LMBR1: variants seen among roughly 807,000 people sequenced by gnomAD.
LMBR1 encodes the protein limb development membrane protein 1, also known as limb region 1 protein homolog.
LMBR1 carries 52 observed loss-of-function variants against 73.9 expected under a neutral mutation model. The ratio of observed to expected loss-of-function variants is 0.70; its 90% CI spans 0.56 to 0.89. The LOEUF is 0.89. Among genes scored for constraint, LMBR1 ranks in the 40% least tolerant of loss-of-function variants. The probability of loss-of-function intolerance (pLI) is 0.00; values close to 1 mark genes in which losing one functional copy is unlikely to be tolerated. For synonymous variants in LMBR1, 215 were observed against 209.4 expected, an observed-to-expected ratio of 1.03 and a Z score of -0.23; for missense variants, 539 against 579.8, an observed-to-expected ratio of 0.93 and a Z score of 0.72.
intron 15 of LMBR1, among the ~76,000 whole-genome samples, chr7:156,715,476 TTTAA>T (rs1813016778): frequency 6.6e-6 from 1 of 152,256 alleles, no homozygotes; most frequent in African/African-American, 2.4e-5. Context: ...TTTTTTCTTT[TTTAA>T]TTGTGATAAA....
chr7:156,835,259 C>A (rs1197859331), intron 2 of LMBR1, among the ~76,000 whole-genome samples: 1 of 146,316 alleles, frequency 6.8e-6, no homozygotes, highest in Admixed American at 6.6e-5. Context: ...GCTTCAGTGT[C>A]AAGGGTGTAT....
intron 16 of LMBR1, among the ~76,000 whole-genome samples, chr7:156,686,491 ACT>A (rs1806040759): frequency 6.6e-6 from 1 of 152,102 alleles, no homozygotes; most frequent in Admixed American, 6.5e-5. Context: ...ACTTAATAAG[ACT>A]CTTTTTCTAT....
chr7:156,697,356 AT>A (rs1808520920), intron 15 of LMBR1, among the ~76,000 whole-genome samples: 1 of 152,202 alleles, frequency 6.6e-6, no homozygotes, highest in Non-Finnish European at 1.5e-5. Flanking sequence ...CTTGATAAAC[AT>A]CTTAAACAAC....
chr7:156,816,645 G>A (rs890876936), intron 4 of LMBR1, among the ~76,000 whole-genome samples: 3 of 151,956 alleles, frequency 2.0e-5, no homozygotes, highest in Admixed American at 6.6e-5. Context: ...CTCAACTTAC[G>A]CTAATCTAAT....
At chr7:156,727,536 A>C (rs1261683250) in intron 12 of LMBR1, among the ~76,000 whole-genome samples, 5 of 152,176 alleles carry the variant, frequency 3.3e-5, no homozygotes, top group Non-Finnish European at 5.9e-5. Flanking sequence ...GTGGGCTTGT[A>C]CTCATGGAGA....
chr7:156,681,038 C>G lies in LMBR1; in HGVS notation c.*3040G>C. The G allele has an allele frequency of 2.6e-6, 1 of 384,590 alleles. No individual in the cohort carries two copies. Among genetic ancestry groups the G allele is most frequent in the Non-Finnish European group, 4.9e-6 (1 of 204,398 alleles). 23.8% of individuals were successfully genotyped at this position (384,590 alleles called of 1,614,324 possible). The stretch of plus-strand genomic sequence containing the variant: ...GTTATTTTTAAAAGTTAACATTATA[C>G]CAGTTTTTTCAAGTTTAAAAAGTCG... On this transcript the variant is annotated 3_prime_UTR_variant, in exon 17 of 17. Transcript: ENST00000353442.
chr7:156,686,266 C>T (rs186253501), intron 16 of LMBR1, among the ~76,000 whole-genome samples: 21 of 152,274 alleles, frequency 1.4e-4, no homozygotes, highest in Admixed American at 4.6e-4. Flanking sequence ...GAAACAATCC[C>T]GTCCATTACC....
chr7:156,750,253 T>A (rs1820607141), intron 9 of LMBR1, among the ~76,000 whole-genome samples: 2 of 152,150 alleles, frequency 1.3e-5, no homozygotes, highest in East Asian at 1.9e-4. Flanking sequence ...TGCCGTTGCA[T>A]TACTTAAACA....
At chr7:156,830,548 C>T (rs568328148) in intron 3 of LMBR1, among the ~76,000 whole-genome samples, 1 of 152,338 alleles carries the variant, frequency 6.6e-6, no homozygotes, top group Admixed American at 6.5e-5. Context: ...CTCACACCCT[C>T]CCAAATATCA....
chr7:156,740,056 T>A (rs1818607928), intron 9 of LMBR1, among the ~76,000 whole-genome samples: 1 of 151,646 alleles, frequency 6.6e-6, no homozygotes, highest in South Asian at 2.1e-4. Context: ...GAGATTGAAA[T>A]AATAAAAAAG....
At chr7:156,699,643 T>C (rs1231059289) in intron 15 of LMBR1, among the ~76,000 whole-genome samples, 1 of 151,840 alleles carries the variant, frequency 6.6e-6, no homozygotes. Context: ...AGAAAATTTT[T>C]GCAACCTACT....
chr7:156,792,915 GAAA>G (rs76982808), intron 5 of LMBR1, among the ~76,000 whole-genome samples: 3 of 127,582 alleles, frequency 2.4e-5, no homozygotes, highest in Non-Finnish European at 1.7e-5. Context: ...GTGGCCACAG[GAAA>G]AAAAAAAAAA....
chr7:156,760,785 A>G (rs1822833362), intron 8 of LMBR1, among the ~76,000 whole-genome samples: 1 of 152,372 alleles, frequency 6.6e-6, no homozygotes, highest in South Asian at 2.1e-4. Context: ...TTTCAAAATT[A>G]AGCAAGCATT....
At chr7:156,858,434 T>C (rs1472202055) in intron 1 of LMBR1, among the ~76,000 whole-genome samples, 10 of 152,216 alleles carry the variant, frequency 6.6e-5, no homozygotes, top group African/African-American at 2.2e-4. Context: ...TCAACAATTA[T>C]CTTCCAAGCA....
intron 8 of LMBR1, among the ~76,000 whole-genome samples, chr7:156,760,860 G>A (rs181423612): frequency 5.3e-5 from 8 of 152,266 alleles, no homozygotes; most frequent in Non-Finnish European, 1.5e-5. Flanking sequence ...TGACAAGGAA[G>A]ACAAACACAT....
intron 1 of LMBR1, among the ~76,000 whole-genome samples, chr7:156,891,211 AATATATAT>A (rs1162520790): frequency 0.065 from 5,306 of 81,362 alleles, 346 homozygotes; most frequent in Admixed American, 0.089. Context: ...AAAAAAAAAA[AATATATAT>A]ATATATATAT....
chr7:156,709,627 C>T (rs1157425397), intron 15 of LMBR1, among the ~76,000 whole-genome samples: 1 of 152,190 alleles, frequency 6.6e-6, no homozygotes, highest in African/African-American at 2.4e-5. Flanking sequence ...TGCAGGCTGG[C>T]TCTCAGGAAG....
intron 1 of LMBR1, among the ~76,000 whole-genome samples, chr7:156,876,497 C>T (rs572765307): frequency 3.3e-5 from 5 of 152,274 alleles, no homozygotes; most frequent in African/African-American, 9.6e-5. Context: ...GAACATTCTA[C>T]CCAACAACCG....
At chr7:156,806,595 ATGC>A (rs1832134356) in intron 4 of LMBR1, among the ~76,000 whole-genome samples, 1 of 85,572 alleles carries the variant, frequency 1.2e-5, no homozygotes, top group African/African-American at 4.6e-5. Flanking sequence ...TTTTTTGTAG[ATGC>A]TTTTTTTTTT....
Sources: allele counts gnomAD v4.1 joint callset (sites outside exome capture counted in the v4.1 genomes callset), GRCh38; gene constraint gnomAD v4.1.1; transcripts MANE v1.5; gene names NCBI Gene and HGNC (gene_info 2026-07-23, HGNC 2026-07-21).